SORCS1: variants seen among roughly 807,000 people sequenced by gnomAD.
SORCS1 encodes VPS10 domain-containing receptor SorCS1.
SORCS1 carries 60 observed loss-of-function variants against 146.1 expected under a neutral mutation model. That is an observed-to-expected ratio of 0.41 (90% confidence interval 0.33 to 0.51). The LOEUF (loss-of-function observed/expected upper bound fraction) is 0.51. Ranked by LOEUF, SORCS1 falls within the 20% of genes least tolerant of loss-of-function variation. The pLI is 0.21. For synonymous variants in SORCS1, 637 were observed against 584.0 expected, an observed-to-expected ratio of 1.09 and a Z score of -1.31; for missense variants, 1,352 against 1,487.6, an observed-to-expected ratio of 0.91 and a Z score of 1.50.
rs190495858 is a variant in SORCS1, at chr10:106,602,302, C to T, written c.3166-4852G>A. Among the ~76,000 whole-genome samples the T allele has an allele frequency of 5.3e-5, 8 of 152,168 alleles. No homozygotes were observed. The East Asian group carries it at 1.4e-3, about 26-fold the overall frequency. On this transcript the variant is annotated intron_variant, in intron 23 of 25. Coordinates refer to ENST00000263054, the MANE Select transcript of SORCS1 (RefSeq NM_052918.5). ...AGTGCCATGTTTAAAGAGGGTGTTGCCTGGGATGACCTGGGAGCTGGCTCA... is the reference window on the plus strand; with the variant it reads ...AGTGCCATGTTTAAAGAGGGTGTTGTCTGGGATGACCTGGGAGCTGGCTCA...
intron 1 of SORCS1, among the ~76,000 whole-genome samples, chr10:107,014,042 C>T (rs1957789912): frequency 6.6e-6 from 1 of 151,986 alleles, no homozygotes; most frequent in Admixed American, 6.6e-5. Flanking sequence ...ATCACAAGGA[C>T]AAGAGATCGA....
intron 3 of SORCS1, among the ~76,000 whole-genome samples, chr10:106,822,785 T>TTTTTC (rs2136937159): frequency 7.1e-6 from 1 of 141,626 alleles, no homozygotes; most frequent in African/African-American, 2.9e-5. Context: ...ATGTGTGGTT[T>TTTTTC]TTTTTTTTTT....
At chr10:106,856,782 T>A (rs1456512761) in intron 2 of SORCS1, among the ~76,000 whole-genome samples, 2 of 152,228 alleles carry the variant, frequency 1.3e-5, no homozygotes, top group Non-Finnish European at 2.9e-5. Context: ...CAACTACTGT[T>A]TAAGTTTTTG....
At chr10:107,155,836 T>C (rs750211493) in intron 1 of SORCS1, among the ~76,000 whole-genome samples, 1 of 152,100 alleles carries the variant, frequency 6.6e-6, no homozygotes, top group Non-Finnish European at 1.5e-5. Context: ...ACATGATTAG[T>C]TGGTTGTCTG....
intron 1 of SORCS1, among the ~76,000 whole-genome samples, chr10:107,066,426 C>T (rs751435360): frequency 6.6e-6 from 1 of 152,012 alleles, no homozygotes; most frequent in Non-Finnish European, 1.5e-5. Context: ...TTATGCAAGC[C>T]GAAAGGAAAT....
chr10:106,945,072 G>C (rs983406368), intron 2 of SORCS1, among the ~76,000 whole-genome samples: 6 of 151,500 alleles, frequency 4.0e-5, no homozygotes, highest in African/African-American at 1.5e-4. Flanking sequence ...ATTTTTAGTA[G>C]AGACAAGGTT....
At chr10:106,972,848 A>G (rs1955847342) in intron 1 of SORCS1, among the ~76,000 whole-genome samples, 1 of 152,200 alleles carries the variant, frequency 6.6e-6, no homozygotes, top group African/African-American at 2.4e-5. Context: ...AATCCATTCT[A>G]TAGCAATGGG....
chr10:106,991,778 A>G (rs763975021), intron 1 of SORCS1, among the ~76,000 whole-genome samples: 4 of 152,230 alleles, frequency 2.6e-5, no homozygotes, highest in Non-Finnish European at 5.9e-5. Context: ...AAAAAGACAG[A>G]CAAGGAAAGA....
chr10:107,144,643 A>G (rs1408791724), intron 1 of SORCS1, among the ~76,000 whole-genome samples: 4 of 152,190 alleles, frequency 2.6e-5, no homozygotes, highest in Non-Finnish European at 5.9e-5. Flanking sequence ...GCCTTGCCAT[A>G]TTGGGCACTC....
At chr10:106,905,056 A>T (rs1951856445) in intron 2 of SORCS1, among the ~76,000 whole-genome samples, 1 of 152,242 alleles carries the variant, frequency 6.6e-6, no homozygotes, top group Non-Finnish European at 1.5e-5. Context: ...TTCATAATAA[A>T]GTTAAAAAGT....
At chr10:106,740,290 C>G (rs1182679333) in intron 5 of SORCS1, among the ~76,000 whole-genome samples, 2 of 152,118 alleles carry the variant, frequency 1.3e-5, no homozygotes, top group Non-Finnish European at 2.9e-5. Flanking sequence ...AGGTAAGTCA[C>G]CATGGAGACT....
At position 107,036,554 on chromosome 10, in the gene SORCS1, C is replaced by CA. The variant is rs557843508; in HGVS notation, c.559-79975dup. On this transcript the variant is annotated intron_variant, in intron 1 of 25. Transcript: ENST00000263054. The stretch of plus-strand genomic sequence containing the variant: ...AAGTGAACTTAAGTCCTCTGCCCAC[C>CA]AAGCCTAGAGGTGATCTCATCAAGC... Among the ~76,000 whole-genome samples the CA allele has an allele frequency of 2.6e-5, 4 of 152,286 alleles. No homozygotes were observed. The South Asian group carries it at 8.3e-4, about 32-fold the overall frequency.
intron 2 of SORCS1, among the ~76,000 whole-genome samples, chr10:106,840,692 A>G (rs1948987248): frequency 6.6e-6 from 1 of 152,058 alleles, no homozygotes; most frequent in South Asian, 2.1e-4. Flanking sequence ...GGAAGAGTCA[A>G]TTCATGTAGG....
chr10:106,767,155 T>C (rs1290205154), intron 4 of SORCS1, among the ~76,000 whole-genome samples: 1 of 152,020 alleles, frequency 6.6e-6, no homozygotes, highest in Non-Finnish European at 1.5e-5. Flanking sequence ...AAGATAAGAG[T>C]ATCAAAGCTG....
At chr10:106,672,524 T>TATCTTCCTC (rs1459863171) in intron 15 of SORCS1, among the ~76,000 whole-genome samples, 2 of 152,188 alleles carry the variant, frequency 1.3e-5, no homozygotes, top group Non-Finnish European at 2.9e-5. Flanking sequence ...AAATTGAAGA[T>TATCTTCCTC]ATCTTCCTCA....
chr10:106,903,073 G>A (rs1951778249), intron 2 of SORCS1, among the ~76,000 whole-genome samples: 1 of 152,146 alleles, frequency 6.6e-6, no homozygotes, highest in Non-Finnish European at 1.5e-5. Flanking sequence ...GCAAGACTCT[G>A]TCTCAAAAAT....
In SORCS1 at chr10:106,999,223, T is replaced by C. The variant is rs150650799; in HGVS notation, c.559-42643A>G. The stretch of plus-strand genomic sequence containing the variant: ...ATACACACACATAAACTGGCAAATA[T>C]GGACACACACACCACTGCCACCACC... On this transcript the variant is annotated intron_variant, in intron 1 of 25. Transcript: ENST00000263054. Among the ~76,000 whole-genome samples, 167 of 152,114 alleles carry C rather than the reference T, an allele frequency of 1.1e-3. 1 individual carries two copies. The highest frequency in any genetic ancestry group is 3.0e-3 in the African/African-American group (123 of 41,506).
Position 106,577,548 on chromosome 10 carries a change from C to T in SORCS1, c.3379G>A (p.Ala1127Thr), listed in dbSNP as rs1419247322. 4.3e-6 allele frequency: 7 copies of T among 1,610,516 alleles called. No individual in the cohort carries two copies. The highest frequency in any genetic ancestry group is 3.3e-5 in the Admixed American group (2 of 59,906). Residue 1127 changes from alanine (A) to threonine (T), a missense_variant, in exon 26 of 26, where the codon GCT (alanine) becomes ACT (threonine). By Grantham distance (58) the Ala-to-Thr change is moderately conservative. Around this residue, in one of 3 missense-constraint regions of SORCS1, gnomAD observed 214 missense variants for 204.8 expected, o/e 1.05. Coordinates refer to ENST00000263054, the MANE Select transcript of SORCS1 (RefSeq NM_052918.5). ...GAAGGGGAGGGAGGGGAGGGTAAAG[C>T]TACTCTCCTAAGAGAAAACGTGTAA... ...FVIYKFKRRV[A>T]LPSPPSPSTQ...
intron 1 of SORCS1, among the ~76,000 whole-genome samples, chr10:106,972,064 G>A (rs1169703030): frequency 1.3e-5 from 2 of 151,992 alleles, no homozygotes; most frequent in African/African-American, 4.8e-5. Context: ...AAAGGGGACT[G>A]ATAAAATTAG....
Sources: allele counts gnomAD v4.1 joint callset (sites outside exome capture counted in the v4.1 genomes callset), GRCh38; gene constraint gnomAD v4.1.1; regional missense constraint gnomAD v4.1.1; transcripts MANE v1.5; gene names NCBI Gene and HGNC (gene_info 2026-07-23, HGNC 2026-07-21).